Variants in NAPB observed in about 807,000 individuals in gnomAD.
NAPB encodes the protein NSF attachment protein beta.
Under a neutral mutation model 44.7 loss-of-function variants are expected in NAPB, and 26 were observed. That is an observed-to-expected ratio of 0.58 (90% CI 0.43 to 0.81). The LOEUF is 0.81. Among genes scored for constraint, NAPB ranks in the 30% least tolerant of loss-of-function variants. NAPB has a pLI of 0.00. For missense variants in NAPB, 315 were observed against 356.4 expected (o/e 0.88, Z 0.94); for synonymous variants, 120 against 116.8 (o/e 1.03, Z -0.18).
intron 9 of NAPB, 98 bp downstream of exon 9, chr20:23,379,769 C>T: frequency 1.1e-6 from 1 of 913,518 alleles, no homozygotes; most frequent in Non-Finnish European, 1.7e-6. Context: ...AGTTAGCAGA[C>T]TTTATAGATT....
intron 7 of NAPB, among the ~76,000 whole-genome samples, chr20:23,388,799 C>T (rs1386220098): frequency 6.7e-6 from 1 of 149,362 alleles, no homozygotes; most frequent in African/African-American, 2.5e-5. Context: ...CAAAACTATA[C>T]AATTCCTATA....
chr20:23,400,939 T>G (rs950822931), intron 2 of NAPB, among the ~76,000 whole-genome samples: 3 of 151,808 alleles, frequency 2.0e-5, no homozygotes, highest in African/African-American at 7.3e-5. Flanking sequence ...GAATAAAACA[T>G]TATGTAATTT....
At chr20:23,399,022 T>C (rs2123206794) in intron 2 of NAPB, among the ~76,000 whole-genome samples, 1 of 152,030 alleles carries the variant, frequency 6.6e-6, no homozygotes, top group Non-Finnish European at 1.5e-5. Context: ...TTCAGCTGCA[T>C]CTCTTGTTCC....
At chr20:23,380,735 G>C (rs1982933960) in intron 8 of NAPB, 1 of 152,592 alleles carries the variant, frequency 6.6e-6, no homozygotes, top group Non-Finnish European at 1.5e-5. Flanking sequence ...ATTTTGACCA[G>C]GCTGGTCTCA....
intron 1 of NAPB, among the ~76,000 whole-genome samples, chr20:23,417,363 C>T (rs1482351609): frequency 6.6e-6 from 1 of 152,170 alleles, no homozygotes; most frequent in East Asian, 1.9e-4. Flanking sequence ...GGATTACAGG[C>T]GTGAGCCACT....
At chr20:23,391,935 C>T (rs1338017328) in intron 5 of NAPB, among the ~76,000 whole-genome samples, 1 of 152,152 alleles carries the variant, frequency 6.6e-6, no homozygotes, top group East Asian at 1.9e-4. Flanking sequence ...GCCTTTCTGC[C>T]CAAGCCCATT....
Position 23,379,918 on chromosome 20 carries a change from A to G in NAPB, c.684T>C (p.Tyr228=). ...CAGTAAATGCTGGAAACATTTCCTC[A>G]TATTTCTCAAGAGCAAGCTGAGAGA... ...ELNAKLALEK[Y]EEMFPAFTDS... is the part of the protein sequence containing the mutation. The change falls in exon 9 of 11, where the codon TAT becomes TAC. Residue 228 remains tyrosine (Y), a synonymous_variant. Transcript: ENST00000377026. 1 of 1,613,260 alleles carries G rather than the reference A, an allele frequency of 6.2e-7. No individual in the cohort carries two copies. Among genetic ancestry groups the G allele is most frequent in the Non-Finnish European group, 8.5e-7 (1 of 1,179,522 alleles).
intron 1 of NAPB, among the ~76,000 whole-genome samples, chr20:23,405,874 G>A (rs546498964): frequency 6.6e-6 from 1 of 152,182 alleles, no homozygotes; most frequent in Non-Finnish European, 1.5e-5. Flanking sequence ...GTCTACAGTA[G>A]GCAAATTTTT....
Position 23,389,942 on chromosome 20 carries a change from T to C in NAPB, c.561+4A>G, listed in dbSNP as rs751739313. 1.9e-6 allele frequency: 3 copies of C among 1,613,006 alleles called. No individual in the cohort carries two copies. The highest frequency in any genetic ancestry group is 2.5e-6 in the Non-Finnish European group (3 of 1,179,370). On this transcript the variant is annotated splice_donor_region_variant and intron_variant, in intron 7 of 10. Transcript: ENST00000377026. ...TCTCTCCAAGGAAACAACAGTATCC[T>C]CACCTGCTCATAGATCTCAATGGCT...
chr20:23,390,329 T>C, intron 5 of NAPB, 65 bp from the exon 6 acceptor site: 1 of 1,346,718 alleles, frequency 7.4e-7, no homozygotes, highest in South Asian at 1.2e-5. Flanking sequence ...AAACTACATT[T>C]GCATAGGTAT....
intron 5 of NAPB, 62 bp from the exon 6 acceptor site, chr20:23,390,326 A>G: frequency 7.3e-7 from 1 of 1,361,266 alleles, no homozygotes; most frequent in South Asian, 1.2e-5. Context: ...TTAAAACTAC[A>G]TTTGCATAGG....
intron 1 of NAPB, among the ~76,000 whole-genome samples, chr20:23,414,631 T>C (rs1985879585): frequency 6.6e-6 from 1 of 152,350 alleles, no homozygotes; most frequent in South Asian, 2.1e-4. Context: ...TTATTACTTA[T>C]AAGTTCCACT....
chr20:23,383,231 G>T (rs1043506561), intron 7 of NAPB, among the ~76,000 whole-genome samples: 3 of 149,522 alleles, frequency 2.0e-5, no homozygotes, highest in African/African-American at 7.4e-5. Flanking sequence ...TCTCAAATTT[G>T]ACAAGAAACA....
At chr20:23,416,995 A>G (rs143312814) in intron 1 of NAPB, among the ~76,000 whole-genome samples, 45 of 152,302 alleles carry the variant, frequency 3.0e-4, no homozygotes, top group African/African-American at 1.0e-3. Flanking sequence ...ACATTGCCAA[A>G]TTTGTAGCTC....
intron 7 of NAPB, 81 bp downstream of exon 7, chr20:23,389,865 T>A: frequency 8.1e-7 from 1 of 1,240,916 alleles, no homozygotes; most frequent in Non-Finnish European, 1.2e-6. Context: ...GGATTATATC[T>A]CAATAAACAG....
intron 1 of NAPB, among the ~76,000 whole-genome samples, chr20:23,420,586 G>A (rs1229243088): frequency 3.3e-5 from 5 of 151,954 alleles, no homozygotes; most frequent in Non-Finnish European, 7.4e-5. Flanking sequence ...ACCCCGGCGC[G>A]CCTCACCCGG....
intron 1 of NAPB, among the ~76,000 whole-genome samples, chr20:23,420,844 G>C (rs761726): frequency 0.3 from 44,842 of 151,040 alleles, 6,710 homozygotes; most frequent in Middle Eastern, 0.38. Context: ...GCTTCGTGGG[G>C]CGCTTGGGGA....
chr20:23,395,023 T>A, intron 4 of NAPB, 24 bp from the exon 5 acceptor site: 1 of 1,613,510 alleles, frequency 6.2e-7, no homozygotes, highest in Non-Finnish European at 8.5e-7. Context: ...CAAGAAACAG[T>A]CACACACCGA....
chr20:23,381,269 C>A lies in NAPB; in HGVS notation c.610G>T (p.Asp204Tyr). 1 of 1,611,090 alleles carries A rather than the reference C, an allele frequency of 6.2e-7. No individual in the cohort carries two copies. The highest frequency in any genetic ancestry group is 8.5e-7 in the Non-Finnish European group (1 of 1,178,910). The change falls in exon 8 of 11, where the codon GAT becomes TAT. Residue 204 changes from aspartate (D) to tyrosine (Y), a missense_variant. Asp to Tyr is a radical substitution (Grantham distance 160). Coordinates refer to ENST00000377026, the MANE Select transcript of NAPB (RefSeq NM_022080.3). ...DNPLLKYSAK[D>Y]YFFKAALCHF... ...CAGAGGGCAGCTTTGAAGAAGTAAT[C>A]CTTTGCACTGTATTTCAACAAAGGA...
Sources: gnomAD v4.1 joint callset for allele counts (sites outside exome capture counted in the v4.1 genomes callset) on GRCh38, gnomAD v4.1.1 for gene constraint, MANE v1.5 for transcripts, NCBI Gene and HGNC (gene_info 2026-07-23, HGNC 2026-07-21) for gene names.